SLC8A1: variants seen among roughly 807,000 people sequenced by gnomAD.
SLC8A1 encodes the protein sodium/calcium exchanger 1.
Under a neutral mutation model 68.3 loss-of-function variants are expected in SLC8A1, and 18 were observed. The ratio of observed to expected loss-of-function variants is 0.26; its 90% CI spans 0.18 to 0.39. SLC8A1 has a LOEUF of 0.39. Ranked by LOEUF, SLC8A1 falls within the 10% of genes least tolerant of loss-of-function variation. SLC8A1 has a pLI of 1.00. For missense variants in SLC8A1, 985 were observed against 1,156.7 expected (o/e 0.85, Z 2.15); for synonymous variants, 475 against 415.5 (o/e 1.14, Z -1.74).
chr2:40,184,515 C>T (rs567792109), intron 2 of SLC8A1, among the ~76,000 whole-genome samples: 12 of 152,286 alleles, frequency 7.9e-5, no homozygotes, highest in African/African-American at 2.6e-4. Context: ...ATTCAGGCAT[C>T]AGCGTTTACA....
In SLC8A1 at chr2:40,489,594, G is replaced by C. The variant is rs569305833; in HGVS notation, c.-25+22755C>G. Among the ~76,000 whole-genome samples, 27 of 152,224 alleles carry C rather than the reference G, an allele frequency of 1.8e-4. No individual in the cohort carries two copies. The South Asian group carries it at 2.7e-3, about 15-fold the overall frequency. On this transcript the variant is annotated intron_variant, in intron 1 of 7. Coordinates refer to the SLC8A1 transcript ENST00000402441. ...GTGACATACTATTAGAAGGGGAGTA[G>C]AGTAGAGTTTCACTTTCACTTTGGG... is the stretch of plus-strand genomic sequence containing the variant.
intron 2 of SLC8A1, among the ~76,000 whole-genome samples, chr2:40,340,063 A>G (rs1262289840): frequency 1.1e-4 from 16 of 152,196 alleles, no homozygotes; most frequent in Admixed American, 1.0e-3. Context: ...CAAAAAAACC[A>G]AAAACTTCCA....
At position 40,257,362 on chromosome 2, in the gene SLC8A1, A is replaced by T. The variant is rs1171355902; in HGVS notation, c.1809-79507T>A. Among the ~76,000 whole-genome samples, 4 of 148,190 alleles carry T rather than the reference A, an allele frequency of 2.7e-5. No individual in the cohort carries two copies. In the East Asian group the frequency reaches 5.8e-4, roughly 22 times the overall value. ...ATGGTCCCAAATCAGAGGAAACCGA[A>T]GACATGATAATGAAACTCCTGAAAA... On this transcript the variant is annotated intron_variant, in intron 2 of 7. Transcript: ENST00000406785.
intron 1 of SLC8A1, among the ~76,000 whole-genome samples, chr2:40,510,622 A>G (rs1366445827): frequency 2.6e-5 from 4 of 152,176 alleles, no homozygotes. Context: ...ATCTTTTCGT[A>G]GGCCTGTTCC....
chr2:40,509,070 C>T (rs910152729), intron 1 of SLC8A1, among the ~76,000 whole-genome samples: 1 of 152,112 alleles, frequency 6.6e-6, no homozygotes, highest in Non-Finnish European at 1.5e-5. Context: ...AATTTGTTTC[C>T]CTTGTATTAC....
In SLC8A1 at chr2:40,402,585, T is replaced by C. The variant is rs1035072660; in HGVS notation, c.1808+25888A>G. Among the ~76,000 whole-genome samples, 8 of 152,212 alleles carry C rather than the reference T, an allele frequency of 5.3e-5. 1 individual carries two copies. Among genetic ancestry groups the C allele is most frequent in the African/African-American group, 1.9e-4 (8 of 41,450 alleles). ...TTTCCAGTAACACAACTGTAGGCTTTTATTGATTGAAACATAGGTGATAAA... is the reference window on the plus strand; with the variant it reads ...TTTCCAGTAACACAACTGTAGGCTTCTATTGATTGAAACATAGGTGATAAA... On this transcript the variant is annotated intron_variant, in intron 2 of 7. Coordinates refer to ENST00000406785, the Ensembl canonical transcript of SLC8A1.
chr2:40,267,619 T>C (rs946846672), intron 2 of SLC8A1, among the ~76,000 whole-genome samples: 5 of 152,228 alleles, frequency 3.3e-5, no homozygotes, highest in African/African-American at 1.2e-4. Context: ...CAGTAACTAT[T>C]TGTGGAATGA....
At chr2:40,280,931 G>A (rs144086527) in intron 2 of SLC8A1, among the ~76,000 whole-genome samples, 13 of 152,282 alleles carry the variant, frequency 8.5e-5, no homozygotes, top group African/African-American at 2.2e-4. Flanking sequence ...AACTCAGCAC[G>A]TTGTCTGTAC....
chr2:40,158,612 G>T (rs1260465906), intron 6 of SLC8A1, among the ~76,000 whole-genome samples: 1 of 152,112 alleles, frequency 6.6e-6, no homozygotes, highest in Admixed American at 6.6e-5. Context: ...CACCATGGCC[G>T]CAGGTAATGT....
At chr2:40,482,951 C>A (rs906547121) in intron 1 of SLC8A1, among the ~76,000 whole-genome samples, 23 of 147,662 alleles carry the variant, frequency 1.6e-4, no homozygotes, top group Admixed American at 3.4e-4. Context: ...CCACCACGCC[C>A]GGCTTTTTTT....
chr2:40,299,091 G>A (rs1431089727), intron 2 of SLC8A1, among the ~76,000 whole-genome samples: 1 of 151,920 alleles, frequency 6.6e-6, no homozygotes, highest in Non-Finnish European at 1.5e-5. Flanking sequence ...GTTACTTGGG[G>A]TATTTCTCAC....
At chr2:40,314,232 C>T (rs542113073) in intron 2 of SLC8A1, among the ~76,000 whole-genome samples, 24 of 151,996 alleles carry the variant, frequency 1.6e-4, no homozygotes, top group South Asian at 4.1e-4. Context: ...TACAATATTT[C>T]GGGAAGCATT....
intron 6 of SLC8A1, among the ~76,000 whole-genome samples, chr2:40,149,021 T>C (rs1222035590): frequency 1.3e-5 from 2 of 152,226 alleles, no homozygotes; most frequent in African/African-American, 4.8e-5. Context: ...GGAAAATCTC[T>C]CTTTCCCTCC....
At chr2:40,429,910 TTGG>T in exon 2 of SLC8A1, 3 of 1,613,612 alleles carry the variant, frequency 1.9e-6, no homozygotes, top group Non-Finnish European at 2.5e-6. Flanking sequence ...CACAGTTGTC[TTGG>T]TGGTCTCTCC....
chr2:40,168,466 T>C lies in SLC8A1; in HGVS notation c.1931-3482A>G, dbSNP rs2046922490. 3.9e-5 allele frequency among the ~76,000 whole-genome samples: 6 copies of C among 152,196 alleles called. No individual in the cohort carries two copies. The South Asian group carries it at 1.2e-3, about 32-fold the overall frequency. ...TAAGTATCATAAACTTTTATTTATA[T>C]GTAACTGAGAAATGGCAGCTGTATA... is the stretch of plus-strand genomic sequence containing the variant. On this transcript the variant is annotated intron_variant, in intron 4 of 7. Coordinates refer to ENST00000406785, the Ensembl canonical transcript of SLC8A1.
At chr2:40,230,607 GCTA>G (rs1327040705) in intron 2 of SLC8A1, among the ~76,000 whole-genome samples, 1 of 152,136 alleles carries the variant, frequency 6.6e-6, no homozygotes, top group Non-Finnish European at 1.5e-5. Flanking sequence ...GAATAAAAAT[GCTA>G]CTATGTGATC....
chr2:40,480,718 T>A (rs1000379537), intron 1 of SLC8A1, among the ~76,000 whole-genome samples: 2 of 152,186 alleles, frequency 1.3e-5, no homozygotes, highest in African/African-American at 4.8e-5. Flanking sequence ...GTGCTGGGCA[T>A]GTCAAGTGCT....
chr2:40,161,779 A>T (rs147061429), intron 5 of SLC8A1, among the ~76,000 whole-genome samples: 1 of 152,310 alleles, frequency 6.6e-6, no homozygotes, highest in East Asian at 1.9e-4. Flanking sequence ...TACCACAGTG[A>T]CTAGTCTACG....
intron 2 of SLC8A1, among the ~76,000 whole-genome samples, chr2:40,411,577 G>A (rs922708018): frequency 4.0e-5 from 6 of 151,478 alleles, no homozygotes; most frequent in Non-Finnish European, 7.4e-5. Context: ...ATGTATAAAC[G>A]TTGTCTTTAA....
Sources: gnomAD v4.1 joint callset for allele counts (sites outside exome capture counted in the v4.1 genomes callset) on GRCh38, gnomAD v4.1.1 for gene constraint, MANE v1.5 for transcripts, NCBI Gene and HGNC (gene_info 2026-07-23, HGNC 2026-07-21) for gene names.